The following MLF1 variants were observed in gnomAD, a reference collection of about 807,000 sequenced individuals.
MLF1 encodes the protein myeloid leukemia factor 1.
MLF1 carries 37 observed loss-of-function variants against 38.3 expected under a neutral mutation model. The ratio of observed to expected loss-of-function variants is 0.96; its 90% CI spans 0.74 to 1.27. The LOEUF (loss-of-function observed/expected upper bound fraction) is 1.27, where lower values mean the gene tolerates loss of function less well. MLF1 is among the 50% of genes most tolerant of loss of function. The pLI is 0.00. For missense variants in MLF1, 331 were observed against 349.2 expected, an observed-to-expected ratio of 0.95 and a Z score of 0.42; for synonymous variants, 95 against 106.5, an observed-to-expected ratio of 0.89 and a Z score of 0.66.
intron 1 of MLF1, among the ~76,000 whole-genome samples, chr3:158,575,908 T>C (rs1249413477): frequency 6.6e-6 from 1 of 152,178 alleles, no homozygotes; most frequent in Admixed American, 6.5e-5. Context: ...CAAACGCTAC[T>C]GATTTACTAA....
intron 7 of MLF1, among the ~76,000 whole-genome samples, chr3:158,603,804 A>C (rs2566344): frequency 0.33 from 50,203 of 152,018 alleles, 8,856 homozygotes; most frequent in East Asian, 0.66. Context: ...ACACCACTGC[A>C]CTACAGCCTG....
At chr3:158,594,408 A>C (rs1340827300) in intron 3 of MLF1, among the ~76,000 whole-genome samples, 1 of 152,176 alleles carries the variant, frequency 6.6e-6, no homozygotes, top group East Asian at 1.9e-4. Context: ...TTAGCCCTGG[A>C]GTATGAGTTG....
At position 158,599,998 on chromosome 3, in the gene MLF1, T is replaced by G. The variant is rs1719499902; in HGVS notation, c.454-16T>G. 1 of 1,278,402 alleles carries G rather than the reference T, an allele frequency of 7.8e-7. No homozygotes were observed. The highest frequency in any genetic ancestry group is 1.0e-6 in the Non-Finnish European group (1 of 979,070). 79.2% of individuals were successfully genotyped at this position (1,278,402 alleles called of 1,614,324 possible). A position where few individuals can be genotyped will look rare whatever the true frequency, so the allele number is the denominator to read the frequency against. ...ATATATATTTAAATAATAATAAAAT[T>G]TCTTTATTTTTACAGATAAAGGAAA... is the stretch of plus-strand genomic sequence containing the variant. On this transcript the variant is annotated splice_polypyrimidine_tract_variant and intron_variant, in intron 5 of 7. Coordinates refer to ENST00000466246, the MANE Select transcript of MLF1 (RefSeq NM_001369783.1).
chr3:158,605,279 A>C lies in MLF1; in HGVS notation c.*77A>C, dbSNP rs191163198. 6.3e-5 allele frequency: 70 copies of C among 1,104,164 alleles called. No individual in the cohort carries two copies. In the African/African-American group the frequency reaches 1.0e-3, roughly 16 times the overall value. 68.4% of individuals were successfully genotyped at this position (1,104,164 alleles called of 1,614,324 possible). A position where few individuals can be genotyped will look rare whatever the true frequency, so the allele number is the denominator to read the frequency against. On this transcript the variant is annotated 3_prime_UTR_variant, in exon 8 of 8. Coordinates refer to ENST00000466246, the MANE Select transcript of MLF1 (RefSeq NM_001369783.1). ...GGTGCTGGGTAATAAGCATAAGACC[A>C]ATCTCTTGCTGTTAAATCAGTTCTG...
intron 3 of MLF1, among the ~76,000 whole-genome samples, chr3:158,596,049 C>G: frequency 6.6e-6 from 1 of 152,100 alleles, no homozygotes; most frequent in East Asian, 1.9e-4. Flanking sequence ...CAGGGTAATT[C>G]TTTTTGTTCT....
At chr3:158,597,737 A>G (rs1484186997) in intron 4 of MLF1, among the ~76,000 whole-genome samples, 2 of 152,204 alleles carry the variant, frequency 1.3e-5, no homozygotes, top group African/African-American at 4.8e-5. Context: ...CTATAGAAGT[A>G]TCACAGGTTT....
At chr3:158,604,816 G>A (rs1720302393) in intron 7 of MLF1, among the ~76,000 whole-genome samples, 1 of 151,902 alleles carries the variant, frequency 6.6e-6, no homozygotes, top group African/African-American at 2.4e-5. Flanking sequence ...GCATCACCAC[G>A]CCCAGCTAAT....
chr3:158,591,625 C>A (rs999731625), intron 1 of MLF1, among the ~76,000 whole-genome samples: 1 of 151,918 alleles, frequency 6.6e-6, no homozygotes, highest in Non-Finnish European at 1.5e-5. Flanking sequence ...CATAAGATTG[C>A]CTTGGTAAAG....
At chr3:158,580,182 A>G (rs189056689) in intron 1 of MLF1, among the ~76,000 whole-genome samples, 17 of 152,204 alleles carry the variant, frequency 1.1e-4, no homozygotes, top group Non-Finnish European at 1.2e-4. Flanking sequence ...TGGCTAATGC[A>G]TACTGGACTT....
At chr3:158,573,871 C>G (rs1714959420) in intron 1 of MLF1, among the ~76,000 whole-genome samples, 1 of 152,126 alleles carries the variant, frequency 6.6e-6, no homozygotes, top group Admixed American at 6.5e-5. Flanking sequence ...GTGGGTTGCT[C>G]TCGGCTCACT....
rs1375936421 is a variant in MLF1 at position 158,598,209 on chromosome 3, G to C, written c.453+1G>C. Reference sequence around the variant, plus strand: ...TCAAACTCGTCGAGCTCCAGGAGGAGTAAGTTTTCTATAAGCATTCCTAAA... The same window carrying C: ...TCAAACTCGTCGAGCTCCAGGAGGACTAAGTTTTCTATAAGCATTCCTAAA... On this transcript the variant is annotated splice_donor_variant, in intron 5 of 7. Transcript: ENST00000466246. LOFTEE classifies it high-confidence loss of function. 1 of 1,608,048 alleles carries C rather than the reference G, an allele frequency of 6.2e-7. No individual in the cohort carries two copies.
rs185920552 is a variant in MLF1 at position 158,587,259 on chromosome 3, A to G, written c.48-5175A>G. 7.9e-5 allele frequency among the ~76,000 whole-genome samples: 12 copies of G among 152,340 alleles called. No individual in the cohort carries two copies. In the East Asian group the frequency reaches 2.1e-3, roughly 27 times the overall value. On this transcript the variant is annotated intron_variant, in intron 1 of 7. Coordinates refer to ENST00000466246, the MANE Select transcript of MLF1 (RefSeq NM_001369783.1). ...TAGAGGACAGGGAAGAGAACAGATAATGGATTAAAATTGGAGAAAGCATGT... is the reference window on the plus strand; with the variant it reads ...TAGAGGACAGGGAAGAGAACAGATAGTGGATTAAAATTGGAGAAAGCATGT...
chr3:158,599,737 A>G (rs16829129), intron 5 of MLF1, among the ~76,000 whole-genome samples: 6,566 of 152,186 alleles, frequency 0.043, 471 homozygotes, highest in African/African-American at 0.15. Context: ...TCTTGAAGGC[A>G]TTAAACTATA....
At chr3:158,582,383 T>G (rs1288983637) in intron 1 of MLF1, among the ~76,000 whole-genome samples, 1 of 151,452 alleles carries the variant, frequency 6.6e-6, no homozygotes, top group Admixed American at 6.6e-5. Flanking sequence ...AGATATAACC[T>G]GTAATAGGAG....
At chr3:158,580,146 G>A (rs1393106450) in intron 1 of MLF1, among the ~76,000 whole-genome samples, 1 of 152,128 alleles carries the variant, frequency 6.6e-6, no homozygotes, top group Non-Finnish European at 1.5e-5. Flanking sequence ...AGAGTGGGGT[G>A]GAAGTAGGGA....
chr3:158,582,893 A>G (rs1294448639), intron 1 of MLF1: 2 of 690,794 alleles, frequency 2.9e-6, no homozygotes, highest in Non-Finnish European at 5.2e-6. Context: ...ACTCTGATGT[A>G]CATTAAAAAA....
chr3:158,604,277 G>A (rs1720208848), intron 7 of MLF1, among the ~76,000 whole-genome samples: 1 of 152,186 alleles, frequency 6.6e-6, no homozygotes, highest in Non-Finnish European at 1.5e-5. Flanking sequence ...AATCCAGGTC[G>A]CACTTAGAGA....
intron 6 of MLF1, among the ~76,000 whole-genome samples, chr3:158,601,365 C>T (rs1719717514): frequency 6.6e-6 from 1 of 151,982 alleles, no homozygotes; most frequent in Non-Finnish European, 1.5e-5. Flanking sequence ...GTCAGGAGTT[C>T]AAGACCAGCC....
chr3:158,605,303 T>A lies in MLF1; in HGVS notation c.*101T>A, dbSNP rs934248265. 4.9e-6 allele frequency: 4 copies of A among 824,080 alleles called. No individual in the cohort carries two copies. Among genetic ancestry groups the A allele is most frequent in the Non-Finnish European group, 7.4e-6 (4 of 541,770 alleles). 51.0% of individuals were successfully genotyped at this position (824,080 alleles called of 1,614,324 possible). On this transcript the variant is annotated 3_prime_UTR_variant, in exon 8 of 8. Coordinates refer to ENST00000466246, the MANE Select transcript of MLF1 (RefSeq NM_001369783.1). Reference sequence around the variant, plus strand: ...CAATCTCTTGCTGTTAAATCAGTTCTGTCCTTGGCAACTTTCTTCTGATAT... The same window carrying A: ...CAATCTCTTGCTGTTAAATCAGTTCAGTCCTTGGCAACTTTCTTCTGATAT...
Sources: gnomAD v4.1 joint callset for allele counts (sites outside exome capture counted in the v4.1 genomes callset) on GRCh38, gnomAD v4.1.1 for gene constraint, MANE v1.5 for transcripts, NCBI Gene and HGNC (gene_info 2026-07-23, HGNC 2026-07-21) for gene names.